Variants in MAP2K3 observed in about 807,000 individuals in gnomAD.
MAP2K3 encodes mitogen-activated protein kinase kinase 3.
MAP2K3 carries 30 observed loss-of-function variants against 46.4 expected under a neutral mutation model. The ratio of observed to expected loss-of-function variants is 0.65; its 90% CI spans 0.48 to 0.88. MAP2K3 has a LOEUF of 0.88. MAP2K3 is among the 40% of genes least tolerant of loss of function. MAP2K3 has a pLI of 0.00. For missense variants in MAP2K3, 380 were observed against 464.5 expected (o/e 0.82, Z 1.67); for synonymous variants, 189 against 176.3 (o/e 1.07, Z -0.57).
Position 21,313,491 on chromosome 17 carries a change from G to C in MAP2K3, c.915-1G>C, listed in dbSNP as rs1293144638. 6.2e-7 allele frequency: 1 copy of C among 1,609,318 alleles called. No individual in the cohort carries two copies. Among genetic ancestry groups the C allele is most frequent in the Non-Finnish European group, 8.5e-7 (1 of 1,177,820 alleles). On this transcript the variant is annotated splice_acceptor_variant, in intron 10 of 11. Coordinates refer to ENST00000342679, the MANE Select transcript of MAP2K3 (RefSeq NM_145109.3). LOFTEE classifies it high-confidence loss of function. ...GCCACAGCTGCACTATTCTCTCCTA[G>C]CCTGAGGAAGAACCCCGCAGAGCGT... is the stretch of plus-strand genomic sequence containing the variant.
In MAP2K3 at chr17:21,312,242, A is replaced by G. The variant is rs758070523; in HGVS notation, c.875A>G (p.Asp292Gly). ...GAGCCGTCCCCCCAGCTCCCAGCCG[A>G]CCGTTTCTCCCCCGAGTTTGTGGAC... ...VEEPSPQLPA[D>G]RFSPEFVDFT... Residue 292 changes from aspartate to glycine, a missense_variant, in exon 10 of 12, where the codon GAC becomes GGC. Around this residue, in one of 5 missense-constraint regions of MAP2K3, gnomAD observed 63 missense variants for 81.6 expected, o/e 0.77. Coordinates refer to ENST00000342679, the MANE Select transcript of MAP2K3 (RefSeq NM_145109.3). 24 of 1,601,694 alleles carry G rather than the reference A, an allele frequency of 1.5e-5. No homozygotes were observed. The highest frequency in any genetic ancestry group is 3.3e-4 in the Middle Eastern group (2 of 6,048).
intron 11 of MAP2K3, 67 bp downstream of exon 11, chr17:21,313,604 G>A: frequency 8.2e-7 from 1 of 1,226,590 alleles, no homozygotes; most frequent in Non-Finnish European, 1.2e-6. Flanking sequence ...GGGCTCTGGG[G>A]AGAGGGCTGC....
intron 10 of MAP2K3, among the ~76,000 whole-genome samples, chr17:21,313,227 G>A (rs1234577997): frequency 6.6e-6 from 1 of 152,158 alleles, no homozygotes; most frequent in Non-Finnish European, 1.5e-5. Context: ...CCCCATTTTG[G>A]TGTTGATATG....
chr17:21,297,181 G>T (rs1280951929), intron 1 of MAP2K3, among the ~76,000 whole-genome samples: 2 of 152,312 alleles, frequency 1.3e-5, no homozygotes, highest in Non-Finnish European at 2.9e-5. Context: ...GGGCCCCGGT[G>T]CGTGGCTCTG....
At position 21,303,120 on chromosome 17, in the gene MAP2K3, G is replaced by A. The variant is rs570086393; in HGVS notation, c.517-63G>A. 274 of 1,607,920 alleles carry A rather than the reference G, an allele frequency of 1.7e-4. No homozygotes were observed. In the East Asian group the frequency reaches 2.9e-3, roughly 17 times the overall value. On this transcript the variant is annotated intron_variant, in intron 6 of 11. Transcript: ENST00000342679. ...ATGGATGGGGTCTTACTGCTCTGTC[G>A]TTTTTGACGTGACCAGGAATAACAG...
intron 1 of MAP2K3, among the ~76,000 whole-genome samples, chr17:21,294,534 G>A (rs1289600111): frequency 6.6e-6 from 1 of 152,306 alleles, no homozygotes; most frequent in Non-Finnish European, 1.5e-5. Flanking sequence ...CCCTCAGGCT[G>A]TTGCTGTTTG....
rs953543926 is a variant in MAP2K3 at position 21,300,643 on chromosome 17, C to T, written c.264C>T (p.Thr88=). 5 of 1,610,316 alleles carry T rather than the reference C, an allele frequency of 3.1e-6. No homozygotes were observed. The highest frequency in any genetic ancestry group is 2.2e-5 in the East Asian group (1 of 44,796). The stretch of plus-strand genomic sequence containing the variant: ...AGGTGCGGCACGCCCAGAGCGGCAC[C>T]ATCATGGCCGTGAAGGTGAGCAGGG... ...VEKVRHAQSG[T]IMAVKRIRAT... The change falls in exon 4 of 12, where the codon ACC becomes ACT. Residue 88 remains threonine, a synonymous_variant. Coordinates refer to ENST00000342679, the MANE Select transcript of MAP2K3 (RefSeq NM_145109.3).
chr17:21,307,865 TTTTTTTTTG>T, intron 9 of MAP2K3, among the ~76,000 whole-genome samples: 1 of 151,238 alleles, frequency 6.6e-6, no homozygotes, highest in African/African-American at 2.5e-5. Flanking sequence ...TTTTTTTTTT[TTTTTTTTTG>T]AGACGGAGTT....
chr17:21,304,283 C>A, intron 7 of MAP2K3, 143 bp from the exon 8 acceptor site: 3 of 1,462,472 alleles, frequency 2.1e-6, no homozygotes, highest in Non-Finnish European at 2.8e-6. Flanking sequence ...CCCTTGGGAC[C>A]CTGGTGCAAC....
chr17:21,292,251 T>A (rs1331393595), intron 1 of MAP2K3, among the ~76,000 whole-genome samples: 1 of 152,312 alleles, frequency 6.6e-6, no homozygotes, highest in Non-Finnish European at 1.5e-5. Flanking sequence ...CCTCTTTGTT[T>A]CTTCTTTTCT....
In MAP2K3 at chr17:21,299,008, G is replaced by A. The variant is rs879110946; in HGVS notation, c.165+82G>A. 3 of 1,592,672 alleles carry A rather than the reference G, an allele frequency of 1.9e-6. No individual in the cohort carries two copies. The African/African-American group carries it at 4.0e-5, about 21-fold the overall frequency. ...AGCTGACCCTGCAGGGCCACTTTGG[G>A]GGGAGGTGACTGAGGGGTCAGAGAG... On this transcript the variant is annotated intron_variant, in intron 3 of 11. Coordinates refer to ENST00000342679, the MANE Select transcript of MAP2K3 (RefSeq NM_145109.3).
At chr17:21,290,578 C>A (rs1371856450) in intron 1 of MAP2K3, among the ~76,000 whole-genome samples, 1 of 152,306 alleles carries the variant, frequency 6.6e-6, no homozygotes, top group Non-Finnish European at 1.5e-5. Context: ...CCCTAGGTAC[C>A]AGACAGCACT....
intron 1 of MAP2K3, among the ~76,000 whole-genome samples, chr17:21,286,702 C>T (rs1406188234): frequency 6.6e-6 from 1 of 152,158 alleles, no homozygotes; most frequent in Admixed American, 6.5e-5. Flanking sequence ...GAGAATGCCT[C>T]ATCAAAATAA....
intron 2 of MAP2K3, 105 bp from the exon 3 acceptor site, chr17:21,298,773 G>C: frequency 6.4e-7 from 1 of 1,550,930 alleles, no homozygotes; most frequent in Non-Finnish European, 8.9e-7. Context: ...TCCGGGGCAG[G>C]AGGCACCTCG....
chr17:21,299,347 T>C (rs1319079719), intron 3 of MAP2K3, among the ~76,000 whole-genome samples: 5 of 152,312 alleles, frequency 3.3e-5, no homozygotes, highest in East Asian at 1.9e-4. Flanking sequence ...TTCAGAATCC[T>C]GGCTCAGGGA....
At position 21,284,748 on chromosome 17, in the gene MAP2K3, T is replaced by C. The variant is rs937054052; in HGVS notation, c.-173T>C. The C allele has an allele frequency of 1.6e-6, 1 of 616,112 alleles. No individual in the cohort carries two copies. The highest frequency in any genetic ancestry group is 2.6e-6 in the Non-Finnish European group (1 of 384,316). 38.2% of individuals were successfully genotyped at this position (616,112 alleles called of 1,614,324 possible). ...GCGCCGCCCGTCGCGGACTCGTCCT[T>C]GCTGCAGTCGCCGCCGCAGTCCTCG... On this transcript the variant is annotated 5_prime_UTR_variant, in exon 1 of 12. Transcript: ENST00000342679.
chr17:21,290,953 T>C (rs1397519395), intron 1 of MAP2K3, among the ~76,000 whole-genome samples: 1 of 146,330 alleles, frequency 6.8e-6, no homozygotes, highest in Non-Finnish European at 1.5e-5. Context: ...TTAAAAAAAA[T>C]AGAAGTAGGC....
intron 11 of MAP2K3, chr17:21,313,864 T>G: frequency 3.5e-6 from 2 of 571,200 alleles, no homozygotes; most frequent in Non-Finnish European, 3.1e-6. Context: ...TATCTCCTGA[T>G]GGAGAGGCTG....
intron 1 of MAP2K3, chr17:21,291,611 T>C (rs1286501120): frequency 2.2e-6 from 1 of 456,412 alleles, no homozygotes; most frequent in Non-Finnish European, 4.4e-6. Context: ...CCCTGCCCTG[T>C]CATGGCCTCT....
Sources: allele counts gnomAD v4.1 joint callset (sites outside exome capture counted in the v4.1 genomes callset), GRCh38; gene constraint gnomAD v4.1.1; regional missense constraint gnomAD v4.1.1; transcripts MANE v1.5; gene names NCBI Gene and HGNC (gene_info 2026-07-23, HGNC 2026-07-21).